Variants in ADCY2 observed in about 807,000 individuals in gnomAD.
ADCY2 encodes the protein adenylate cyclase 2.
Under a neutral mutation model 125.2 loss-of-function variants are expected in ADCY2, and 31 were observed. The observed-to-expected ratio is 0.25, with a 90% CI of 0.19 to 0.33. The LOEUF is 0.33. Among genes scored for constraint, ADCY2 ranks in the 10% least tolerant of loss-of-function variants. ADCY2 has a pLI of 1.00. For synonymous variants in ADCY2, 512 were observed against 548.4 expected, an observed-to-expected ratio of 0.93 and a Z score of 0.93; for missense variants, 904 against 1,418.2, an observed-to-expected ratio of 0.64 and a Z score of 5.82.
chr5:7,574,138 A>C (rs1264106818), intron 3 of ADCY2, among the ~76,000 whole-genome samples: 1 of 110,732 alleles, frequency 9.0e-6, no homozygotes, highest in African/African-American at 2.9e-5. Context: ...TATGTGCCAC[A>C]TTTTCTTAGT....
At chr5:7,591,333 A>G (rs920186037) in intron 3 of ADCY2, among the ~76,000 whole-genome samples, 4 of 152,196 alleles carry the variant, frequency 2.6e-5, no homozygotes, top group African/African-American at 7.2e-5. Context: ...CCCTTTCAGC[A>G]TAGGTTCTAT....
intron 3 of ADCY2, among the ~76,000 whole-genome samples, chr5:7,593,221 T>C (rs1288703324): frequency 3.9e-5 from 6 of 152,132 alleles, no homozygotes; most frequent in Admixed American, 3.9e-4. Context: ...GACTAGGCAA[T>C]GGAGAAAATC....
chr5:7,465,390 A>AAAGT (rs1394041572), intron 2 of ADCY2, among the ~76,000 whole-genome samples: 3 of 152,126 alleles, frequency 2.0e-5, no homozygotes, highest in African/African-American at 7.2e-5. Flanking sequence ...GTCAGTATCC[A>AAAGT]CCTTCCTTGT....
At chr5:7,455,730 T>C (rs951039858) in intron 2 of ADCY2, among the ~76,000 whole-genome samples, 22 of 147,492 alleles carry the variant, frequency 1.5e-4, no homozygotes, top group African/African-American at 5.4e-4. Flanking sequence ...TATTATAATA[T>C]ATGATATACA....
rs148669457 is a variant in ADCY2, at chr5:7,600,456, A to G, written c.571-25711A>G. Among the ~76,000 whole-genome samples, 179 of 152,320 alleles carry G rather than the reference A, an allele frequency of 1.2e-3. 1 individual carries two copies. Among genetic ancestry groups the G allele is most frequent in the African/African-American group, 4.1e-3 (170 of 41,586 alleles). ...TGGCCTCAGTCTTCTAGAAGTAGAAAGCACAACTGTCTCAAGGCACAAAGG... is the reference window on the plus strand; with the variant it reads ...TGGCCTCAGTCTTCTAGAAGTAGAAGGCACAACTGTCTCAAGGCACAAAGG... On this transcript the variant is annotated intron_variant, in intron 3 of 24. Transcript: ENST00000338316.
intron 3 of ADCY2, among the ~76,000 whole-genome samples, chr5:7,555,930 C>A (rs1250454726): frequency 6.7e-6 from 1 of 150,134 alleles, no homozygotes; most frequent in Non-Finnish European, 1.5e-5. Context: ...ATGAATATAA[C>A]AAAAACTTTG....
intron 24 of ADCY2, among the ~76,000 whole-genome samples, chr5:7,826,219 T>G (rs1186294763): frequency 6.6e-6 from 1 of 152,070 alleles, no homozygotes; most frequent in Non-Finnish European, 1.5e-5. Context: ...CTTCTCGGGG[T>G]GTTCCTCCCA....
At chr5:7,449,183 G>C (rs1280603041) in intron 2 of ADCY2, among the ~76,000 whole-genome samples, 4 of 152,128 alleles carry the variant, frequency 2.6e-5, no homozygotes, top group Admixed American at 6.5e-5. Flanking sequence ...ACTGGTGTGA[G>C]ATGGTATCTC....
rs114385568 is a variant in ADCY2 at position 7,743,911 on chromosome 5, G to A, written c.1956+159G>A. On this transcript the variant is annotated intron_variant, in intron 15 of 24. Transcript: ENST00000338316. ...CACACACCCTTCAGGTCTATAACCA[G>A]GAATATAGACTGGGACCCCTCATGC... Among the ~76,000 whole-genome samples, 1,043 of 152,260 alleles carry A rather than the reference G, an allele frequency of 6.9e-3. 5 individuals are homozygous for A. Among genetic ancestry groups the A allele is most frequent in the Non-Finnish European group, 0.011 (731 of 68,016 alleles).
intron 2 of ADCY2, among the ~76,000 whole-genome samples, chr5:7,470,628 GTA>G (rs1056334061): frequency 8.6e-6 from 1 of 116,512 alleles, no homozygotes; most frequent in Non-Finnish European, 1.8e-5. Context: ...AAAAACTACT[GTA>G]TATATGTGTG....
intron 2 of ADCY2, among the ~76,000 whole-genome samples, chr5:7,502,877 G>A (rs2126506536): frequency 6.6e-6 from 1 of 152,268 alleles, no homozygotes; most frequent in East Asian, 1.9e-4. Flanking sequence ...ATGCTTTGCA[G>A]GCATCGTGCC....
intron 18 of ADCY2, among the ~76,000 whole-genome samples, chr5:7,776,852 T>C (rs1361634237): frequency 6.6e-6 from 1 of 152,204 alleles, no homozygotes; most frequent in Admixed American, 6.5e-5. Context: ...AAAGGTTCTT[T>C]GGCCTTTGGA....
chr5:7,752,427 T>TA (rs1227272075), intron 15 of ADCY2, among the ~76,000 whole-genome samples: 2 of 152,184 alleles, frequency 1.3e-5, no homozygotes, highest in Non-Finnish European at 2.9e-5. Context: ...GTTTTTCTAA[T>TA]AATAAAAGTT....
intron 22 of ADCY2, among the ~76,000 whole-genome samples, chr5:7,811,986 T>C (rs1744958537): frequency 6.6e-6 from 1 of 152,194 alleles, no homozygotes; most frequent in Non-Finnish European, 1.5e-5. Context: ...CACAGAGTTT[T>C]ACAGTCTGGG....
At chr5:7,588,084 A>C (rs1736690775) in intron 3 of ADCY2, among the ~76,000 whole-genome samples, 1 of 152,204 alleles carries the variant, frequency 6.6e-6, no homozygotes, top group African/African-American at 2.4e-5. Flanking sequence ...AGAAAAACCC[A>C]AGAAAATTAA....
In ADCY2 at chr5:7,712,839, CT is replaced by C. The variant is rs34374346; in HGVS notation, c.1579-11del. On this transcript the variant is annotated splice_polypyrimidine_tract_variant and intron_variant, in intron 10 of 24. Coordinates refer to ENST00000338316, the MANE Select transcript of ADCY2 (RefSeq NM_020546.3). ...GAAACATGTTTTGACAATTAATAAC[CT>C]TTTTTCTCAATATAGGATGTACCCA... 1.3e-6 allele frequency: 2 copies of C among 1,584,092 alleles called. No individual in the cohort carries two copies. Among genetic ancestry groups the C allele is most frequent in the Admixed American group, 1.7e-5 (1 of 58,270 alleles).
intron 11 of ADCY2, among the ~76,000 whole-genome samples, chr5:7,713,190 G>A (rs2126367653): frequency 6.6e-6 from 1 of 152,106 alleles, no homozygotes; most frequent in East Asian, 1.9e-4. Flanking sequence ...AAAGTGAATT[G>A]TCTTAAAATG....
At chr5:7,779,228 T>G (rs1743836322) in intron 18 of ADCY2, among the ~76,000 whole-genome samples, 1 of 152,208 alleles carries the variant, frequency 6.6e-6, no homozygotes, top group Non-Finnish European at 1.5e-5. Flanking sequence ...CAACCGTTAG[T>G]GAACTACTTC....
intron 12 of ADCY2, among the ~76,000 whole-genome samples, chr5:7,720,589 C>T (rs1477389724): frequency 2.6e-5 from 4 of 151,786 alleles, no homozygotes; most frequent in Admixed American, 6.6e-5. Context: ...ATGTTCCCCG[C>T]CCTGTGTCCA....
Sources: allele counts gnomAD v4.1 joint callset (sites outside exome capture counted in the v4.1 genomes callset), GRCh38; gene constraint gnomAD v4.1.1; transcripts MANE v1.5; gene names NCBI Gene and HGNC (gene_info 2026-07-23, HGNC 2026-07-21).